The following SLC35F4 variants were observed in gnomAD, a reference collection of about 807,000 sequenced individuals.
SLC35F4 encodes chromosome 14 open reading frame 36.
Under a neutral mutation model 44.2 loss-of-function variants are expected in SLC35F4, and 24 were observed. The ratio of observed to expected loss-of-function variants is 0.54; its 90% confidence interval spans 0.39 to 0.76. SLC35F4 has a LOEUF of 0.76. Among genes scored for constraint, SLC35F4 ranks in the 30% least tolerant of loss-of-function variants. The pLI is 0.00. For synonymous variants in SLC35F4, 238 were observed against 223.6 expected (o/e 1.06, Z -0.57); for missense variants, 562 against 586.1 (o/e 0.96, Z 0.42).
intron 1 of SLC35F4, among the ~76,000 whole-genome samples, chr14:57,932,894 T>C (rs1388811114): frequency 2.6e-5 from 4 of 152,152 alleles, no homozygotes; most frequent in Non-Finnish European, 4.4e-5. Flanking sequence ...AGAGAGAAGC[T>C]TTGCTCTTCT....
At chr14:57,681,458 A>C (rs1470784069) in intron 1 of SLC35F4, among the ~76,000 whole-genome samples, 2 of 152,104 alleles carry the variant, frequency 1.3e-5, no homozygotes, top group African/African-American at 2.4e-5. Context: ...GGACATTGGC[A>C]AATAACCTTA....
chr14:57,908,877 G>C (rs1236949782), intron 1 of SLC35F4, among the ~76,000 whole-genome samples: 1 of 152,120 alleles, frequency 6.6e-6, no homozygotes, highest in African/African-American at 2.4e-5. Context: ...GTCCTGAATG[G>C]TATTGCCTGG....
At chr14:57,942,117 T>C (rs765407053) in intron 1 of SLC35F4, among the ~76,000 whole-genome samples, 1 of 152,232 alleles carries the variant, frequency 6.6e-6, no homozygotes, top group Non-Finnish European at 1.5e-5. Flanking sequence ...CTGACTGAAA[T>C]ATTCTGCCTC....
intron 1 of SLC35F4, among the ~76,000 whole-genome samples, chr14:57,738,804 A>ATG (rs1555380384): frequency 3.7e-4 from 48 of 128,928 alleles, no homozygotes; most frequent in Admixed American, 8.1e-4. Flanking sequence ...ATATGTATAC[A>ATG]TGTATATATA....
At chr14:57,757,970 AT>A (rs947590176) in intron 1 of SLC35F4, among the ~76,000 whole-genome samples, 55 of 143,884 alleles carry the variant, frequency 3.8e-4, no homozygotes, top group African/African-American at 1.3e-3. Flanking sequence ...TCATTTAGAA[AT>A]TTTTTTTCTG....
At chr14:57,956,769 G>A (rs965379455) in intron 1 of SLC35F4, among the ~76,000 whole-genome samples, 3 of 152,038 alleles carry the variant, frequency 2.0e-5, no homozygotes, top group Admixed American at 6.6e-5. Context: ...TTAGAATAGC[G>A]ATCATTAAAA....
At chr14:57,659,041 T>C (rs1398080550) in intron 1 of SLC35F4, among the ~76,000 whole-genome samples, 2 of 152,184 alleles carry the variant, frequency 1.3e-5, no homozygotes, top group Non-Finnish European at 1.5e-5. Context: ...GATATCATTG[T>C]CTAGGGAAGC....
chr14:57,857,106 T>C (rs1887183636), intron 1 of SLC35F4, among the ~76,000 whole-genome samples: 1 of 151,782 alleles, frequency 6.6e-6, no homozygotes. Context: ...TGAAACCCCA[T>C]CTCTACTAAA....
chr14:57,613,839 C>T (rs1484341435), intron 1 of SLC35F4, among the ~76,000 whole-genome samples: 1 of 152,146 alleles, frequency 6.6e-6, no homozygotes, highest in Non-Finnish European at 1.5e-5. Context: ...GCCTCAGTTT[C>T]TTTATTGGCA....
intron 1 of SLC35F4, among the ~76,000 whole-genome samples, chr14:57,678,018 G>A (rs2074758333): frequency 1.3e-5 from 2 of 151,996 alleles, no homozygotes; most frequent in South Asian, 4.1e-4. Flanking sequence ...AGGAAATACA[G>A]AGAATATCAC....
At chr14:57,905,329 C>T in intron 1 of SLC35F4, among the ~76,000 whole-genome samples, 1 of 152,200 alleles carries the variant, frequency 6.6e-6, no homozygotes, top group East Asian at 1.9e-4. Flanking sequence ...AAGGGTGAAG[C>T]TGCAATGTCT....
chr14:57,859,648 A>G (rs1180590124), intron 1 of SLC35F4, among the ~76,000 whole-genome samples: 2 of 152,190 alleles, frequency 1.3e-5, no homozygotes, highest in African/African-American at 4.8e-5. Flanking sequence ...TCTGCACTGT[A>G]GGGAAGTAAA....
intron 1 of SLC35F4, among the ~76,000 whole-genome samples, chr14:57,675,679 G>A (rs1160322358): frequency 1.3e-5 from 2 of 151,954 alleles, no homozygotes; most frequent in African/African-American, 4.8e-5. Flanking sequence ...TTACTTTGAG[G>A]TAAGTCCCTT....
At chr14:57,850,125 G>C (rs543575360) in intron 1 of SLC35F4, among the ~76,000 whole-genome samples, 1 of 152,252 alleles carries the variant, frequency 6.6e-6, no homozygotes, top group East Asian at 1.9e-4. Context: ...CTGACTCTCT[G>C]TATGTGTATA....
chr14:57,732,610 A>G (rs2076369029), intron 1 of SLC35F4, among the ~76,000 whole-genome samples: 2 of 152,182 alleles, frequency 1.3e-5, no homozygotes, highest in Admixed American at 1.3e-4. Context: ...GGCAGATGGC[A>G]CTACAAATAG....
At chr14:57,833,579 G>A (rs980834343) in intron 1 of SLC35F4, among the ~76,000 whole-genome samples, 1 of 152,210 alleles carries the variant, frequency 6.6e-6, no homozygotes, top group Non-Finnish European at 1.5e-5. Flanking sequence ...ATGCATATCA[G>A]AGAGTGAGAA....
intron 1 of SLC35F4, among the ~76,000 whole-genome samples, chr14:57,924,431 C>T (rs956274710): frequency 2.2e-4 from 34 of 151,860 alleles, no homozygotes; most frequent in Non-Finnish European, 3.8e-4. Flanking sequence ...CAGGCTCATT[C>T]TCTTTACTTT....
At chr14:57,635,428 TCCAAGTGG>T (rs2072979351) in intron 1 of SLC35F4, among the ~76,000 whole-genome samples, 3 of 151,788 alleles carry the variant, frequency 2.0e-5, no homozygotes, top group Admixed American at 2.0e-4. Context: ...ATATATGACA[TCCAAGTGG>T]GGATGTCAAA....
chr14:57,868,529 G>A (rs1888229530), upstream of SLC35F4, among the ~76,000 whole-genome samples: 1 of 150,946 alleles, frequency 6.6e-6, no homozygotes, highest in East Asian at 1.9e-4. Flanking sequence ...AGGCTGGAGT[G>A]CAATGGTGCA....
Sources: allele counts gnomAD v4.1 joint callset (sites outside exome capture counted in the v4.1 genomes callset), GRCh38; gene constraint gnomAD v4.1.1; transcripts MANE v1.5; gene names NCBI Gene and HGNC (gene_info 2026-07-23, HGNC 2026-07-21).